PALM2AKAP2: variants seen among roughly 807,000 people sequenced by gnomAD.
PALM2AKAP2 encodes the protein PALM2-AKAP2 fusion protein.
A neutral mutation model predicts 71.5 loss-of-function variants in PALM2AKAP2; 37 were observed. The ratio of observed to expected loss-of-function variants is 0.52; its 90% confidence interval spans 0.40 to 0.68. PALM2AKAP2 has a LOEUF of 0.68. PALM2AKAP2 is among the 30% of genes least tolerant of loss of function. The pLI, the probability that PALM2AKAP2 is intolerant of heterozygous loss-of-function variation, is 0.00. For missense variants in PALM2AKAP2, 1,224 were observed against 1,191.8 expected, an observed-to-expected ratio of 1.03 and a Z score of -0.40; for synonymous variants, 468 against 478.8, an observed-to-expected ratio of 0.98 and a Z score of 0.29.
Position 109,766,610 on chromosome 9 carries a change from A to G in PALM2AKAP2, c.6-13878A>G, listed in dbSNP as rs118052284. ...GCATGGATTTCATGTTAACCTCATC[A>G]TCCTTTTGCTGCATGTTGATAAGGC... On this transcript the variant is annotated intron_variant, in intron 1 of 6. Transcript: ENST00000374531. 3.3e-4 allele frequency among the ~76,000 whole-genome samples: 50 copies of G among 152,316 alleles called. No individual in the cohort carries two copies. The East Asian group carries it at 7.3e-3, about 22-fold the overall frequency.
intron 1 of PALM2AKAP2, among the ~76,000 whole-genome samples, chr9:109,838,181 C>G (rs1349825626): frequency 6.6e-6 from 1 of 152,218 alleles, no homozygotes; most frequent in Non-Finnish European, 1.5e-5. Flanking sequence ...AACTGTCTCT[C>G]AGACCACAGT....
At chr9:109,717,071 A>G (rs544306390) in intron 1 of PALM2AKAP2, among the ~76,000 whole-genome samples, 2 of 152,210 alleles carry the variant, frequency 1.3e-5, no homozygotes, top group South Asian at 4.2e-4. Context: ...TGTGGGAGAA[A>G]GGCTTGGCTC....
rs376473951 is a variant in PALM2AKAP2, at chr9:109,849,933, CT to C, written c.46-17557del. Among the ~76,000 whole-genome samples, 574 of 152,266 alleles carry C rather than the reference CT, an allele frequency of 3.8e-3. 3 individuals carry two copies. Among genetic ancestry groups the C allele is most frequent in the African/African-American group, 0.013 (561 of 41,562 alleles). On this transcript the variant is annotated intron_variant, in intron 1 of 9. Coordinates refer to the PALM2AKAP2 transcript ENST00000302798. ...TAGCACTGGTTCTTCAGTTTTCCCCCTGATCAGGAACTTCCCTGAAATAAAT... is the reference window on the plus strand; with the variant it reads ...TAGCACTGGTTCTTCAGTTTTCCCCCGATCAGGAACTTCCCTGAAATAAAT...
chr9:109,791,175 A>G (rs75076512), intron 1 of PALM2AKAP2, among the ~76,000 whole-genome samples: 2,360 of 152,174 alleles, frequency 0.016, 63 homozygotes, highest in African/African-American at 0.054. Flanking sequence ...TAGCCTGTTT[A>G]CTCCCCATCC....
intron 6 of PALM2AKAP2, among the ~76,000 whole-genome samples, chr9:109,952,550 G>A (rs774837430): frequency 1.4e-4 from 22 of 152,196 alleles, no homozygotes; most frequent in Non-Finnish European, 2.5e-4. Flanking sequence ...ATTGACAAGA[G>A]TTTCAACCAA....
chr9:110,042,478 TTAAG>T (rs1250886641), intron 7 of PALM2AKAP2, among the ~76,000 whole-genome samples: 5 of 152,212 alleles, frequency 3.3e-5, no homozygotes, highest in Non-Finnish European at 7.3e-5. Flanking sequence ...CTTTTTGCCA[TTAAG>T]TAAGAACCAG....
chr9:109,753,442 A>G (rs1828913609), intron 1 of PALM2AKAP2, among the ~76,000 whole-genome samples: 1 of 152,176 alleles, frequency 6.6e-6, no homozygotes, highest in South Asian at 2.1e-4. Context: ...GAGGAAAGCC[A>G]TTGGAAACCT....
chr9:109,663,792 T>A lies in PALM2AKAP2; in HGVS notation c.5+22926T>A, dbSNP rs150647175. ...GTCTGATATTGACAGTGGGGTGTTA[T>A]AGTCTCCCATTATTATTGTGTGGGA... On this transcript the variant is annotated intron_variant, in intron 1 of 6. Transcript: ENST00000374531. Among the ~76,000 whole-genome samples, 715 of 152,230 alleles carry A rather than the reference T, an allele frequency of 4.7e-3. 9 individuals are homozygous for A. The highest frequency in any genetic ancestry group is 0.016 in the African/African-American group (681 of 41,556).
chr9:109,884,507 A>C (rs1001466785), intron 3 of PALM2AKAP2, among the ~76,000 whole-genome samples: 2 of 152,162 alleles, frequency 1.3e-5, no homozygotes, highest in African/African-American at 4.8e-5. Context: ...ACAATGCAAG[A>C]ATGCAGAGAG....
At chr9:110,092,267 G>C (rs1386405026) in intron 1 of PALM2AKAP2, among the ~76,000 whole-genome samples, 1 of 152,122 alleles carries the variant, frequency 6.6e-6, no homozygotes, top group Non-Finnish European at 1.5e-5. Flanking sequence ...GGGAGGTGGA[G>C]GCTGTAGTGA....
chr9:109,813,790 CGATA>C (rs1827784794), intron 1 of PALM2AKAP2, among the ~76,000 whole-genome samples: 4 of 152,230 alleles, frequency 2.6e-5, no homozygotes, highest in Admixed American at 1.3e-4. Flanking sequence ...TTCAAGAAGC[CGATA>C]ACTCCTAGGT....
At chr9:109,834,050 T>C (rs1031665021) in intron 1 of PALM2AKAP2, among the ~76,000 whole-genome samples, 2 of 152,216 alleles carry the variant, frequency 1.3e-5, no homozygotes, top group African/African-American at 4.8e-5. Context: ...CCGTCTCTAC[T>C]AAAAAAATAA....
At chr9:110,032,668 G>A (rs1176331528) in intron 7 of PALM2AKAP2, among the ~76,000 whole-genome samples, 2 of 149,100 alleles carry the variant, frequency 1.3e-5, no homozygotes, top group Non-Finnish European at 3.0e-5. Context: ...TCCAGCCTGG[G>A]TGACAGAGTG....
chr9:110,090,522 G>A (rs968814510), intron 1 of PALM2AKAP2: 1 of 436,300 alleles, frequency 2.3e-6, no homozygotes, highest in South Asian at 1.6e-5. Context: ...ATTCTTCAGG[G>A]ACATTGCATT....
At chr9:109,890,905 T>A (rs1830074393) in intron 3 of PALM2AKAP2, among the ~76,000 whole-genome samples, 1 of 152,194 alleles carries the variant, frequency 6.6e-6, no homozygotes, top group African/African-American at 2.4e-5. Flanking sequence ...TCTAATGGAA[T>A]AAACCACTCC....
At chr9:110,100,063 A>ATG (rs1834958144) in intron 1 of PALM2AKAP2, among the ~76,000 whole-genome samples, 2 of 142,536 alleles carry the variant, frequency 1.4e-5, no homozygotes, top group Admixed American at 7.0e-5. Flanking sequence ...ATATATATAT[A>ATG]TATATATATA....
At chr9:109,950,726 A>G (rs1831617608) in intron 6 of PALM2AKAP2, among the ~76,000 whole-genome samples, 1 of 152,216 alleles carries the variant, frequency 6.6e-6, no homozygotes, top group Non-Finnish European at 1.5e-5. Context: ...AAATTCCTTC[A>G]TCACCAGAAT....
In PALM2AKAP2 at chr9:109,716,920, G is replaced by T. The variant is rs74396782; in HGVS notation, c.6-63568G>T. Reference sequence around the variant, plus strand: ...AATGAGGTTTTGGGGAATCAGAAGGGCAGGGCTGGCTTGCCAGAAGGACTA... The same window carrying T: ...AATGAGGTTTTGGGGAATCAGAAGGTCAGGGCTGGCTTGCCAGAAGGACTA... On this transcript the variant is annotated intron_variant, in intron 1 of 6. Transcript: ENST00000374531. 5.9e-5 allele frequency among the ~76,000 whole-genome samples: 9 copies of T among 152,244 alleles called. 1 individual carries two copies. The East Asian group carries it at 1.7e-3, about 29-fold the overall frequency.
intron 2 of PALM2AKAP2, among the ~76,000 whole-genome samples, chr9:110,151,660 C>T (rs548856383): frequency 6.6e-6 from 1 of 152,220 alleles, no homozygotes; most frequent in South Asian, 2.1e-4. Context: ...TACCCTCAAA[C>T]TCCTTCAAAG....
Sources: allele counts gnomAD v4.1 joint callset (sites outside exome capture counted in the v4.1 genomes callset), GRCh38; gene constraint gnomAD v4.1.1; transcripts MANE v1.5; gene names NCBI Gene and HGNC (gene_info 2026-07-23, HGNC 2026-07-21).